WSCD2: variants seen among roughly 807,000 people sequenced by gnomAD.
WSCD2 encodes the protein sialate:O-sulfotransferase 2.
In WSCD2, 28 loss-of-function variants were observed where a neutral mutation model predicts 55.7. That is an observed-to-expected ratio of 0.50 (90% CI 0.37 to 0.69). The LOEUF is 0.69. WSCD2 is among the 30% of genes least tolerant of loss of function. The probability of loss-of-function intolerance (pLI) is 0.00; values close to 1 mark genes in which losing one functional copy is unlikely to be tolerated. For missense variants in WSCD2, 616 were observed against 762.1 expected (o/e 0.81, Z 2.26); for synonymous variants, 301 against 301.9 (o/e 1.00, Z 0.03).
At chr12:108,166,760 C>CTTTCT (rs1565928762) in intron 1 of WSCD2, among the ~76,000 whole-genome samples, 10 of 25,814 alleles carry the variant, frequency 3.9e-4, no homozygotes, top group African/African-American at 9.1e-4. Flanking sequence ...TTCTTTCTTT[C>CTTTCT]TTTTCTTTCT....
intron 1 of WSCD2, among the ~76,000 whole-genome samples, chr12:108,174,782 C>A (rs770697862): frequency 2.6e-5 from 4 of 152,150 alleles, no homozygotes; most frequent in Non-Finnish European, 4.4e-5. Flanking sequence ...ACCTGGCTAA[C>A]TTTAAAACGT....
At chr12:108,163,352 G>A (rs1879257297) in intron 1 of WSCD2, among the ~76,000 whole-genome samples, 1 of 152,104 alleles carries the variant, frequency 6.6e-6, no homozygotes, top group Admixed American at 6.5e-5. Flanking sequence ...CTGGGTGACA[G>A]AGCAAGACTT....
intron 8 of WSCD2, among the ~76,000 whole-genome samples, chr12:108,245,062 A>G (rs1889989624): frequency 1.3e-5 from 2 of 152,130 alleles, no homozygotes; most frequent in South Asian, 4.1e-4. Flanking sequence ...GTGTGTTTTT[A>G]TGTAACAATT....
chr12:108,176,525 C>G (rs1040778788), intron 1 of WSCD2, among the ~76,000 whole-genome samples: 1 of 152,186 alleles, frequency 6.6e-6, no homozygotes, highest in Non-Finnish European at 1.5e-5. Context: ...AGTAGTACTC[C>G]GTTGTATGGA....
At chr12:108,219,657 G>A (rs956781912) in intron 4 of WSCD2, among the ~76,000 whole-genome samples, 8 of 152,202 alleles carry the variant, frequency 5.3e-5, no homozygotes, top group Non-Finnish European at 1.0e-4. Flanking sequence ...ACACACTGCT[G>A]TGTTGGGGGC....
intron 1 of WSCD2, among the ~76,000 whole-genome samples, chr12:108,162,599 T>A (rs1244622252): frequency 6.6e-6 from 1 of 152,250 alleles, no homozygotes; most frequent in Non-Finnish European, 1.5e-5. Context: ...CTCTGATAAA[T>A]GACAGGCAGC....
chr12:108,197,368 C>G (rs1884059190), intron 2 of WSCD2, among the ~76,000 whole-genome samples: 1 of 151,056 alleles, frequency 6.6e-6, no homozygotes, highest in African/African-American at 2.4e-5. Context: ...TCAGGAATTT[C>G]CTAGACTTCT....
intron 1 of WSCD2, among the ~76,000 whole-genome samples, chr12:108,166,223 C>G (rs1879580356): frequency 6.6e-6 from 1 of 152,166 alleles, no homozygotes; most frequent in Non-Finnish European, 1.5e-5. Flanking sequence ...TTAACTCCCT[C>G]ATTTGTGCAG....
At chr12:108,166,455 G>C (rs989089984) in intron 1 of WSCD2, among the ~76,000 whole-genome samples, 2 of 152,212 alleles carry the variant, frequency 1.3e-5, no homozygotes, top group Non-Finnish European at 2.9e-5. Flanking sequence ...AAAGTTCTCT[G>C]CCATTTTGGG....
intron 2 of WSCD2, among the ~76,000 whole-genome samples, chr12:108,203,327 T>C (rs1440706964): frequency 6.6e-6 from 1 of 152,204 alleles, no homozygotes; most frequent in Non-Finnish European, 1.5e-5. Context: ...CTTCTATGCC[T>C]TGGCTAGTTT....
intron 8 of WSCD2, chr12:108,244,718 T>G: frequency 1.5e-6 from 1 of 668,536 alleles, no homozygotes. Flanking sequence ...GAATCATCTA[T>G]AAACAGACCC....
At chr12:108,169,187 T>C (rs1164313115) in intron 1 of WSCD2, among the ~76,000 whole-genome samples, 1 of 152,196 alleles carries the variant, frequency 6.6e-6, no homozygotes, top group Non-Finnish European at 1.5e-5. Flanking sequence ...GGCCGTCTAG[T>C]TGCAGGAAAA....
chr12:108,170,559 G>A (rs891415226), intron 1 of WSCD2, among the ~76,000 whole-genome samples: 1 of 152,100 alleles, frequency 6.6e-6, no homozygotes, highest in African/African-American at 2.4e-5. Context: ...AGGATCTATG[G>A]TCATTGAATC....
chr12:108,195,688 C>T lies in WSCD2; in HGVS notation c.-145C>T. 1 of 1,199,998 alleles carries T rather than the reference C, an allele frequency of 8.3e-7. No individual in the cohort carries two copies. Among genetic ancestry groups the T allele is most frequent in the Non-Finnish European group, 1.1e-6 (1 of 877,058 alleles). The allele number at this position is 1,199,998 out of a possible 1,614,324, so 74.3% of individuals were successfully genotyped here. On this transcript the variant is annotated 5_prime_UTR_variant, in exon 2 of 9. Transcript: ENST00000547525. ...ATTGAACTTGCCCTCCCCTTCTGGCCTTGGTGATCACTTTTTCAGGAAGAG... is the reference window on the plus strand; with the variant it reads ...ATTGAACTTGCCCTCCCCTTCTGGCTTTGGTGATCACTTTTTCAGGAAGAG...
chr12:108,218,774 A>G (rs1887136012), intron 4 of WSCD2, among the ~76,000 whole-genome samples: 1 of 152,184 alleles, frequency 6.6e-6, no homozygotes, highest in African/African-American at 2.4e-5. Flanking sequence ...GATGACTTGT[A>G]TATGAGGTCC....
At position 108,240,523 on chromosome 12, in the gene WSCD2, C is replaced by T; in HGVS notation, c.1324C>T (p.His442Tyr). 6.2e-7 allele frequency: 1 copy of T among 1,601,938 alleles called. No individual in the cohort carries two copies. The highest frequency in any genetic ancestry group is 8.5e-7 in the Non-Finnish European group (1 of 1,174,726). Residue 442 changes from histidine (H) to tyrosine (Y), a missense_variant, in exon 8 of 9, where the codon CAT becomes TAT. Physicochemically the swap from His to Tyr is moderately conservative, Grantham distance 83 (BLOSUM62 2). Transcript: ENST00000547525. ...CGGCGGCCACATAGGCTTTGCTGCG[C>T]ATGCCCACTGGAAGGGCAAAGGTAC... ...KYGGHIGFAA[H>Y]AHWKGKEWPE...
intron 6 of WSCD2, among the ~76,000 whole-genome samples, chr12:108,229,468 G>C (rs185514140): frequency 6.6e-6 from 1 of 152,272 alleles, no homozygotes; most frequent in African/African-American, 2.4e-5. Context: ...AGACTGCACT[G>C]TCAACCCTAG....
At chr12:108,222,575 A>G (rs1043576809) in intron 4 of WSCD2, among the ~76,000 whole-genome samples, 1 of 152,224 alleles carries the variant, frequency 6.6e-6, no homozygotes, top group African/African-American at 2.4e-5. Context: ...TGCTTCTGGA[A>G]GGGTATATAC....
chr12:108,240,284 G>A, intron 7 of WSCD2, 60 bp from the exon 8 acceptor site: 2 of 1,596,258 alleles, frequency 1.3e-6, no homozygotes, highest in Non-Finnish European at 1.7e-6. Flanking sequence ...GAAGAGAGTG[G>A]GGTGGGCTTC....
Sources: allele counts gnomAD v4.1 joint callset (sites outside exome capture counted in the v4.1 genomes callset), GRCh38; gene constraint gnomAD v4.1.1; transcripts MANE v1.5; gene names NCBI Gene and HGNC (gene_info 2026-07-23, HGNC 2026-07-21).